Variants in ADAMTS19 observed in about 807,000 individuals in gnomAD.
The protein encoded by ADAMTS19 is ADAM metallopeptidase with thrombospondin type 1 motif 19.
ADAMTS19 carries 93 observed loss-of-function variants against 153.3 expected under a neutral mutation model. The ratio of observed to expected loss-of-function variants is 0.61; its 90% confidence interval spans 0.51 to 0.72. The LOEUF is 0.72. Among genes scored for constraint, ADAMTS19 ranks in the 30% least tolerant of loss-of-function variants. The pLI is 0.00. For missense variants in ADAMTS19, 1,482 were observed against 1,552.1 expected (o/e 0.95, Z 0.76); for synonymous variants, 600 against 556.6 (o/e 1.08, Z -1.10).
rs1484157569 is a variant in ADAMTS19 at position 129,528,690 on chromosome 5, A to G, written c.1328+13A>G. 26 of 1,577,014 alleles carry G rather than the reference A, an allele frequency of 1.6e-5. No individual in the cohort carries two copies. The highest frequency in any genetic ancestry group is 2.1e-5 in the Non-Finnish European group (24 of 1,164,168). On this transcript the variant is annotated intron_variant, in intron 6 of 22. Transcript: ENST00000274487. ...TACTTATAACAAGGTAAATTTTCCAATGCCAATTAAATGGCATTCCTAATT... is the reference window on the plus strand; with the variant it reads ...TACTTATAACAAGGTAAATTTTCCAGTGCCAATTAAATGGCATTCCTAATT...
chr5:129,527,456 T>C (rs1265736065), intron 4 of ADAMTS19, among the ~76,000 whole-genome samples: 1 of 151,312 alleles, frequency 6.6e-6, no homozygotes, highest in Non-Finnish European at 1.5e-5. Flanking sequence ...CGATATGTGG[T>C]AGATTAACAC....
chr5:129,562,327 A>C lies in ADAMTS19; in HGVS notation c.1372+10420A>C, dbSNP rs75602538. Among the ~76,000 whole-genome samples the C allele has an allele frequency of 2.0e-5, 3 of 152,202 alleles. 1 individual carries two copies. The South Asian group carries it at 6.2e-4, about 31-fold the overall frequency. On this transcript the variant is annotated intron_variant, in intron 7 of 22. Coordinates refer to ENST00000274487, the MANE Select transcript of ADAMTS19 (RefSeq NM_133638.6). ...TAAAATGAATAAATGTTACTGCTAC[A>C]TCTGGAAATTTTGAAGTGAAATTGT... is the stretch of plus-strand genomic sequence containing the variant.
intron 7 of ADAMTS19, among the ~76,000 whole-genome samples, chr5:129,582,559 C>T (rs1211340358): frequency 6.6e-6 from 1 of 151,588 alleles, no homozygotes; most frequent in Admixed American, 6.6e-5. Flanking sequence ...TAGTCTGTGT[C>T]TTTTATTTAT....
chr5:129,500,666 G>C (rs904029785), intron 2 of ADAMTS19: 2 of 152,122 alleles, frequency 1.3e-5, no homozygotes, highest in Non-Finnish European at 2.9e-5. Context: ...AACAGATTAT[G>C]AAGCAAATAT....
chr5:129,696,683 T>C (rs1442483752), intron 19 of ADAMTS19, among the ~76,000 whole-genome samples: 1 of 152,170 alleles, frequency 6.6e-6, no homozygotes, highest in African/African-American at 2.4e-5. Context: ...ATGTGAGGCA[T>C]AACTTGGTTT....
intron 6 of ADAMTS19, 92 bp downstream of exon 6, chr5:129,528,769 C>G (rs977611333): frequency 3.7e-6 from 4 of 1,067,768 alleles, no homozygotes; most frequent in Admixed American, 6.1e-5. Flanking sequence ...GTTTTTATTT[C>G]AGATTTCGTG....
intron 15 of ADAMTS19, 69 bp from the exon 16 acceptor site, chr5:129,665,430 G>A (rs919458965): frequency 1.5e-6 from 2 of 1,318,078 alleles, no homozygotes; most frequent in African/African-American, 1.5e-5. Flanking sequence ...AAAACAAAAG[G>A]CAAGTCAATG....
At chr5:129,653,506 C>T (rs1029516201) in intron 13 of ADAMTS19, among the ~76,000 whole-genome samples, 1 of 152,170 alleles carries the variant, frequency 6.6e-6, no homozygotes, top group African/African-American at 2.4e-5. Flanking sequence ...AGACTCGCAG[C>T]TGCTTAGGAA....
chr5:129,666,323 A>G (rs1754054196), intron 16 of ADAMTS19, among the ~76,000 whole-genome samples: 1 of 152,094 alleles, frequency 6.6e-6, no homozygotes, highest in South Asian at 2.1e-4. Flanking sequence ...AGAGGGACCT[A>G]ATATGATTAT....
intron 3 of ADAMTS19, among the ~76,000 whole-genome samples, chr5:129,509,517 CT>C (rs1189458251): frequency 6.6e-6 from 1 of 151,908 alleles, no homozygotes; most frequent in Non-Finnish European, 1.5e-5. Flanking sequence ...TCATGGGATA[CT>C]GTTCACTTTA....
At chr5:129,701,922 T>A (rs1053531208) in intron 20 of ADAMTS19, among the ~76,000 whole-genome samples, 1 of 152,172 alleles carries the variant, frequency 6.6e-6, no homozygotes, top group African/African-American at 2.4e-5. Context: ...TCCCTGAACA[T>A]TTAAAATGGA....
rs6871760 is a variant in ADAMTS19 at position 129,556,386 on chromosome 5, G to A, written c.1372+4479G>A. Among the ~76,000 whole-genome samples, 1,092 of 152,080 alleles carry A rather than the reference G, an allele frequency of 7.2e-3. 11 individuals are homozygous for A. The highest frequency in any genetic ancestry group is 0.025 in the African/African-American group (1,035 of 41,504). ...TATAGTGGTATACTTAAATTTCAAG[G>A]GAAATAAAGTATATTTCATTGTGCA... On this transcript the variant is annotated intron_variant, in intron 7 of 22. Coordinates refer to ENST00000274487, the MANE Select transcript of ADAMTS19 (RefSeq NM_133638.6).
At chr5:129,687,875 T>A (rs568342159) in intron 18 of ADAMTS19, among the ~76,000 whole-genome samples, 2 of 152,226 alleles carry the variant, frequency 1.3e-5, no homozygotes, top group Non-Finnish European at 2.9e-5. Flanking sequence ...TGTAAGAATT[T>A]AGATATGCTT....
chr5:129,547,532 C>CA (rs1280580342), intron 6 of ADAMTS19, among the ~76,000 whole-genome samples: 1 of 149,042 alleles, frequency 6.7e-6, no homozygotes, highest in South Asian at 2.1e-4. Context: ...TCAAAGTAGC[C>CA]AAAAAAAGTG....
chr5:129,502,126 A>C (rs904362973), intron 2 of ADAMTS19, among the ~76,000 whole-genome samples: 5 of 152,132 alleles, frequency 3.3e-5, no homozygotes, highest in African/African-American at 9.7e-5. Context: ...TTGGGATGAG[A>C]AACATGACCT....
chr5:129,630,217 G>T (rs1363347118), intron 10 of ADAMTS19, among the ~76,000 whole-genome samples: 2 of 152,014 alleles, frequency 1.3e-5, no homozygotes, highest in Non-Finnish European at 2.9e-5. Flanking sequence ...CCGCAATTAT[G>T]TTTGCACCAA....
intron 21 of ADAMTS19, among the ~76,000 whole-genome samples, chr5:129,729,625 T>G (rs1273281126): frequency 2.0e-5 from 3 of 152,058 alleles, no homozygotes; most frequent in African/African-American, 7.2e-5. Flanking sequence ...GAGAATATTT[T>G]TATTTCCAGG....
chr5:129,734,894 A>T (rs1176503267), intron 21 of ADAMTS19, 38 bp from the exon 22 acceptor site: 3 of 1,457,760 alleles, frequency 2.1e-6, no homozygotes, highest in Non-Finnish European at 2.7e-6. Flanking sequence ...AAAAATAAAA[A>T]TAAAAAAGAA....
intron 8 of ADAMTS19, among the ~76,000 whole-genome samples, chr5:129,603,948 G>A (rs905947595): frequency 3.9e-5 from 6 of 152,060 alleles, no homozygotes; most frequent in Non-Finnish European, 7.4e-5. Context: ...GGGCTGGCTC[G>A]GGATTATCTG....
Sources: allele counts gnomAD v4.1 joint callset (sites outside exome capture counted in the v4.1 genomes callset), GRCh38; gene constraint gnomAD v4.1.1; transcripts MANE v1.5; gene names NCBI Gene and HGNC (gene_info 2026-07-23, HGNC 2026-07-21).